The following CNTNAP5 variants were observed in gnomAD, a reference collection of about 807,000 sequenced individuals.
CNTNAP5 encodes contactin associated protein family member 5, also known as contactin-associated protein-like 5.
CNTNAP5 carries 72 observed loss-of-function variants against 150.2 expected under a neutral mutation model. The observed-to-expected ratio is 0.48, with a 90% CI of 0.40 to 0.58. The LOEUF is 0.58. CNTNAP5 is among the 20% of genes least tolerant of loss of function. The pLI is 0.00. For synonymous variants in CNTNAP5, 672 were observed against 619.8 expected, an observed-to-expected ratio of 1.08 and a Z score of -1.25; for missense variants, 1,636 against 1,626.2, an observed-to-expected ratio of 1.01 and a Z score of -0.10.
chr2:124,147,927 T>C (rs1384839161), intron 1 of CNTNAP5, among the ~76,000 whole-genome samples: 1 of 152,214 alleles, frequency 6.6e-6, no homozygotes, highest in African/African-American at 2.4e-5. Context: ...AGATGCCGAA[T>C]AAAGCCGGCC....
At chr2:124,035,173 A>C (rs1474192073) in intron 1 of CNTNAP5, among the ~76,000 whole-genome samples, 1 of 152,144 alleles carries the variant, frequency 6.6e-6, no homozygotes, top group African/African-American at 2.4e-5. Flanking sequence ...AACCAAAACA[A>C]AAGGTAACTG....
At chr2:124,457,810 A>C (rs1218810924) in intron 6 of CNTNAP5, among the ~76,000 whole-genome samples, 1 of 152,200 alleles carries the variant, frequency 6.6e-6, no homozygotes, top group Non-Finnish European at 1.5e-5. Context: ...ACATATGAAA[A>C]AATGCTCAAT....
At chr2:124,762,899 C>T (rs1409400125) in intron 14 of CNTNAP5, among the ~76,000 whole-genome samples, 1 of 152,050 alleles carries the variant, frequency 6.6e-6, no homozygotes, top group Non-Finnish European at 1.5e-5. Context: ...GGGAAAAATA[C>T]CTATCCCCTA....
intron 19 of CNTNAP5, among the ~76,000 whole-genome samples, chr2:124,813,459 C>T (rs550495723): frequency 6.6e-6 from 1 of 151,516 alleles, no homozygotes; most frequent in African/African-American, 2.4e-5. Context: ...ATTTCCAAAA[C>T]TTCAGCTGGT....
chr2:124,352,520 C>T (rs919806639), intron 3 of CNTNAP5, among the ~76,000 whole-genome samples: 2 of 152,098 alleles, frequency 1.3e-5, no homozygotes, highest in African/African-American at 2.4e-5. Flanking sequence ...TCAGAGTCCT[C>T]GGTGTCTGAA....
intron 3 of CNTNAP5, among the ~76,000 whole-genome samples, chr2:124,256,474 T>C (rs1027517720): frequency 6.6e-6 from 1 of 152,050 alleles, no homozygotes; most frequent in Admixed American, 6.6e-5. Context: ...AATGGTTTTA[T>C]AAGTTCACCA....
intron 11 of CNTNAP5, among the ~76,000 whole-genome samples, chr2:124,602,423 A>C (rs886405082): frequency 6.6e-6 from 1 of 151,536 alleles, no homozygotes; most frequent in African/African-American, 2.4e-5. Flanking sequence ...AACAGTTATC[A>C]ATATTCTCTC....
chr2:124,487,043 G>C (rs564036629), intron 7 of CNTNAP5, among the ~76,000 whole-genome samples: 1 of 152,016 alleles, frequency 6.6e-6, no homozygotes, highest in Admixed American at 6.6e-5. Flanking sequence ...TTCTTTCTAC[G>C]TTTGTCTAAT....
chr2:124,319,966 C>T (rs985790834), intron 3 of CNTNAP5, among the ~76,000 whole-genome samples: 1 of 152,162 alleles, frequency 6.6e-6, no homozygotes, highest in African/African-American at 2.4e-5. Flanking sequence ...GATTGTATCC[C>T]TTCTCTACTT....
At chr2:124,119,207 G>T (rs890424167) in intron 1 of CNTNAP5, among the ~76,000 whole-genome samples, 2 of 152,040 alleles carry the variant, frequency 1.3e-5, no homozygotes, top group African/African-American at 4.8e-5. Flanking sequence ...CTCTCATCGC[G>T]TCACTGCTTC....
intron 7 of CNTNAP5, among the ~76,000 whole-genome samples, chr2:124,498,273 T>C (rs1426825762): frequency 6.6e-6 from 1 of 152,226 alleles, no homozygotes; most frequent in African/African-American, 2.4e-5. Flanking sequence ...AGTGGCTGCA[T>C]ATAATTTCTC....
rs2791628 is a variant in CNTNAP5, at chr2:124,919,566, A to G, written c.*5278A>G. On this transcript the variant is annotated 3_prime_UTR_variant, in exon 24 of 24. Transcript: ENST00000682447. ...TGAGGTGAGGAAGGAAATTGCTTCCACCATGAATCAGTGGTGGCAGCCTTT... is the reference window on the plus strand; with the variant it reads ...TGAGGTGAGGAAGGAAATTGCTTCCGCCATGAATCAGTGGTGGCAGCCTTT... Among the ~76,000 whole-genome samples, 1,704 of 152,182 alleles carry G rather than the reference A, an allele frequency of 0.011. 32 individuals carry two copies. The highest frequency in any genetic ancestry group is 0.038 in the African/African-American group (1,598 of 41,540).
chr2:124,288,999 C>A (rs996682467), intron 3 of CNTNAP5, among the ~76,000 whole-genome samples: 6 of 152,114 alleles, frequency 3.9e-5, no homozygotes, highest in Admixed American at 2.6e-4. Context: ...AACCATAAGA[C>A]TTTAGAATTT....
chr2:124,555,299 A>T (rs1302919684), intron 10 of CNTNAP5, among the ~76,000 whole-genome samples: 2 of 152,178 alleles, frequency 1.3e-5, no homozygotes, highest in Admixed American at 1.3e-4. Flanking sequence ...TAAAAATTGC[A>T]TGCCTAAGGA....
At chr2:124,034,527 C>T (rs959204416) in intron 1 of CNTNAP5, among the ~76,000 whole-genome samples, 1 of 152,244 alleles carries the variant, frequency 6.6e-6, no homozygotes, top group Non-Finnish European at 1.5e-5. Context: ...GGATCCCTCA[C>T]TTAGTTCCTG....
intron 21 of CNTNAP5, among the ~76,000 whole-genome samples, chr2:124,878,784 G>A (rs55644023): frequency 0.067 from 10,181 of 151,398 alleles, 1,100 homozygotes; most frequent in African/African-American, 0.23. Context: ...CTGAGTTCAA[G>A]CTATTCTCCT....
chr2:124,054,206 C>T (rs1681784979), intron 1 of CNTNAP5, among the ~76,000 whole-genome samples: 1 of 152,022 alleles, frequency 6.6e-6, no homozygotes, highest in Admixed American at 6.5e-5. Flanking sequence ...TTCTGAGAAA[C>T]TATGTGCACT....
At chr2:124,114,791 A>C (rs1044304094) in intron 1 of CNTNAP5, among the ~76,000 whole-genome samples, 1 of 151,654 alleles carries the variant, frequency 6.6e-6, no homozygotes, top group Non-Finnish European at 1.5e-5. Flanking sequence ...ATTTCATTTA[A>C]TATTTGCAAT....
chr2:124,239,787 A>T (rs1008487697), intron 2 of CNTNAP5, among the ~76,000 whole-genome samples: 4 of 151,980 alleles, frequency 2.6e-5, no homozygotes, highest in Admixed American at 6.6e-5. Flanking sequence ...ATTATTTTGG[A>T]TTTTTTGAAA....
Sources: gnomAD v4.1 joint callset for allele counts (sites outside exome capture counted in the v4.1 genomes callset) on GRCh38, gnomAD v4.1.1 for gene constraint, MANE v1.5 for transcripts, NCBI Gene and HGNC (gene_info 2026-07-23, HGNC 2026-07-21) for gene names.